PGM1: variants seen among roughly 807,000 people sequenced by gnomAD.
PGM1 encodes the protein phosphoglucomutase-1.
Under a neutral mutation model 55.6 loss-of-function variants are expected in PGM1, and 52 were observed. That is an observed-to-expected ratio of 0.94 (90% CI 0.75 to 1.18). PGM1 has a LOEUF of 1.18. Among genes scored for constraint, PGM1 ranks in the 50% most tolerant of loss-of-function variants. The pLI is 0.00. For missense variants in PGM1, 724 were observed against 729.3 expected (o/e 0.99, Z 0.08); for synonymous variants, 287 against 271.7 (o/e 1.06, Z -0.55).
rs142701021 is a variant in PGM1 at position 63,606,309 on chromosome 1, G to A, written c.246+12575G>A. On this transcript the variant is annotated intron_variant, in intron 1 of 10. Coordinates refer to ENST00000371084, the MANE Select transcript of PGM1 (RefSeq NM_002633.3). ...AGAATACCAACTTTTTTGTTAAAAT[G>A]TAGGTTTGGCTGCTGTTAGCAGAGT... Among the ~76,000 whole-genome samples the A allele has an allele frequency of 5.9e-5, 9 of 152,334 alleles. No individual in the cohort carries two copies. The East Asian group carries it at 1.2e-3, about 20-fold the overall frequency.
intron 1 of PGM1, among the ~76,000 whole-genome samples, chr1:63,601,985 T>C (rs1246976467): frequency 1.3e-5 from 2 of 152,230 alleles, no homozygotes; most frequent in Non-Finnish European, 2.9e-5. Context: ...TCTTTTTTTC[T>C]CTATGAGTAC....
intron 1 of PGM1, among the ~76,000 whole-genome samples, chr1:63,618,857 G>A (rs748013945): frequency 3.3e-5 from 5 of 152,092 alleles, no homozygotes; most frequent in Admixed American, 1.3e-4. Flanking sequence ...CCCTACCTAC[G>A]TGAGAAGATT....
At chr1:63,630,647 G>T (rs1649170579) in intron 3 of PGM1, among the ~76,000 whole-genome samples, 3 of 152,066 alleles carry the variant, frequency 2.0e-5, no homozygotes, top group South Asian at 2.1e-4. Context: ...CTATTTTGGG[G>T]GGACCAAATT....
intron 7 of PGM1, among the ~76,000 whole-genome samples, chr1:63,643,017 CG>C (rs1485359370): frequency 2.0e-5 from 3 of 152,090 alleles, no homozygotes; most frequent in Non-Finnish European, 4.4e-5. Context: ...AGGGGTACTT[CG>C]GGAGCTTTAT....
At chr1:63,619,752 A>G (rs1384266411) in intron 1 of PGM1, among the ~76,000 whole-genome samples, 3 of 152,112 alleles carry the variant, frequency 2.0e-5, no homozygotes, top group African/African-American at 7.2e-5. Flanking sequence ...CAGCTCTGTA[A>G]ACACACCTTC....
chr1:63,593,753 C>A lies in PGM1; in HGVS notation c.246+19C>A. The stretch of plus-strand genomic sequence containing the variant: ...CAACGGGGTAAGGGATGCGCGGCCC[C>A]GCGCCGCTGTGCACCCTGGCGCGTG... On this transcript the variant is annotated intron_variant, in intron 1 of 10. Coordinates refer to ENST00000371084, the MANE Select transcript of PGM1 (RefSeq NM_002633.3). The A allele has an allele frequency of 6.3e-7, 1 of 1,577,464 alleles. No individual in the cohort carries two copies. The highest frequency in any genetic ancestry group is 2.3e-5 in the East Asian group (1 of 43,132).
At chr1:63,621,216 A>C (rs915547075) in intron 1 of PGM1, among the ~76,000 whole-genome samples, 21 of 151,958 alleles carry the variant, frequency 1.4e-4, no homozygotes, top group Admixed American at 3.3e-4. Flanking sequence ...GTCGTTGCTT[A>C]AAATGTTGCT....
At chr1:63,654,815 G>A (rs886598361) in intron 10 of PGM1, among the ~76,000 whole-genome samples, 1 of 151,968 alleles carries the variant, frequency 6.6e-6, no homozygotes, top group African/African-American at 2.4e-5. Flanking sequence ...GGTTTGCCAG[G>A]CTGTGTTGTA....
intron 1 of PGM1, among the ~76,000 whole-genome samples, chr1:63,628,328 A>G (rs1232433660): frequency 1.3e-5 from 2 of 152,188 alleles, no homozygotes; most frequent in Admixed American, 6.5e-5. Flanking sequence ...GGAGATTGAC[A>G]TATGAGAGCC....
intron 1 of PGM1, chr1:63,600,300 A>T (rs1190636826): frequency 6.6e-6 from 1 of 152,178 alleles, no homozygotes; most frequent in Non-Finnish European, 1.5e-5. Flanking sequence ...TTTTTAATCA[A>T]ATCTAATGCT....
intron 7 of PGM1, among the ~76,000 whole-genome samples, chr1:63,646,553 A>G (rs1009104476): frequency 1.3e-5 from 2 of 152,130 alleles, no homozygotes; most frequent in Admixed American, 6.5e-5. Flanking sequence ...GAGTTGCTGG[A>G]TCCATGAGTA....
At chr1:63,641,414 G>A (rs1231102680) in intron 7 of PGM1, among the ~76,000 whole-genome samples, 2 of 152,140 alleles carry the variant, frequency 1.3e-5, no homozygotes, top group African/African-American at 4.8e-5. Context: ...CTGAACTCCT[G>A]ATCTTCTTAT....
chr1:63,606,148 G>A (rs1468867475), intron 1 of PGM1, among the ~76,000 whole-genome samples: 1 of 152,186 alleles, frequency 6.6e-6, no homozygotes, highest in Non-Finnish European at 1.5e-5. Flanking sequence ...CTCATGTTCT[G>A]AATTCTGCCA....
intron 1 of PGM1, among the ~76,000 whole-genome samples, chr1:63,602,956 C>T (rs1648286400): frequency 6.6e-6 from 1 of 152,160 alleles, no homozygotes; most frequent in African/African-American, 2.4e-5. Flanking sequence ...GGAGGCGTGC[C>T]TGGTTCCAGC....
chr1:63,633,956 T>A (rs1649292354), intron 4 of PGM1, among the ~76,000 whole-genome samples: 5 of 124,836 alleles, frequency 4.0e-5, no homozygotes, highest in South Asian at 2.8e-4. Context: ...TTTTTTTTTT[T>A]TTTTTAGTAG....
chr1:63,621,229 C>T (rs1456566205), intron 1 of PGM1, among the ~76,000 whole-genome samples: 1 of 151,886 alleles, frequency 6.6e-6, no homozygotes, highest in Admixed American at 6.6e-5. Flanking sequence ...ATGTTGCTCT[C>T]GTAATTCTGC....
Position 63,659,948 on chromosome 1 carries a change from T to A in PGM1, c.*273T>A. 1 of 558,238 alleles carries A rather than the reference T, an allele frequency of 1.8e-6. No individual in the cohort carries two copies. The highest frequency in any genetic ancestry group is 3.3e-6 in the Non-Finnish European group (1 of 307,652). The allele number at this position is 558,238 out of a possible 1,614,324, so 34.6% of individuals were successfully genotyped here. ...GCGTGGGTATTTGTCTCCTTAGCCA[T>A]CAGGTACAGTTTACACTACAATGTA... On this transcript the variant is annotated 3_prime_UTR_variant, in exon 11 of 11. Transcript: ENST00000371084.
intron 6 of PGM1, 23 bp from the exon 7 acceptor site, chr1:63,638,662 A>G (rs759542317): frequency 2.0e-6 from 3 of 1,506,966 alleles, no homozygotes; most frequent in Middle Eastern, 1.7e-4. Context: ...CTGTGATGTA[A>G]CTTTGATTTC....
intron 6 of PGM1, among the ~76,000 whole-genome samples, chr1:63,636,655 A>G (rs1418221716): frequency 1.3e-5 from 2 of 152,186 alleles, no homozygotes; most frequent in African/African-American, 4.8e-5. Context: ...CTGCCCTGCT[A>G]GACTGTATAC....
Sources: gnomAD v4.1 joint callset for allele counts (sites outside exome capture counted in the v4.1 genomes callset) on GRCh38, gnomAD v4.1.1 for gene constraint, MANE v1.5 for transcripts, NCBI Gene and HGNC (gene_info 2026-07-23, HGNC 2026-07-21) for gene names.